DLGAP2: variants seen among roughly 807,000 people sequenced by gnomAD.
DLGAP2 encodes DLG associated protein 2, also known as disks large-associated protein 2.
A neutral mutation model predicts 100.3 loss-of-function variants in DLGAP2; 26 were observed. The ratio of observed to expected loss-of-function variants is 0.26; its 90% CI spans 0.19 to 0.36. The LOEUF (loss-of-function observed/expected upper bound fraction) is 0.36. Ranked by LOEUF, DLGAP2 falls within the 10% of genes least tolerant of loss-of-function variation. The pLI is 1.00. For synonymous variants in DLGAP2, 886 were observed against 630.1 expected, an observed-to-expected ratio of 1.41 and a Z score of -6.08; for missense variants, 1,858 against 1,453.2, an observed-to-expected ratio of 1.28 and a Z score of -4.53.
In DLGAP2 at chr8:1,704,334, C is replaced by A. The variant is rs1397687430; in HGVS notation, c.*2928C>A. ...TACCTACATTCCCTAATGATACAGCCAATGACAGGTGAAACCCAGACACTC... is the reference window on the plus strand; with the variant it reads ...TACCTACATTCCCTAATGATACAGCAAATGACAGGTGAAACCCAGACACTC... On this transcript the variant is annotated 3_prime_UTR_variant, in exon 15 of 15. Transcript: ENST00000637795. 1 of 152,156 alleles carries A rather than the reference C, an allele frequency of 6.6e-6. No individual in the cohort carries two copies. Among genetic ancestry groups the A allele is most frequent in the Admixed American group, 6.5e-5 (1 of 15,270 alleles). The allele number at this position is 152,156 out of a possible 1,614,324, so 9.4% of individuals were successfully genotyped here.
At chr8:1,198,248 A>G (rs1451347942) in intron 2 of DLGAP2, among the ~76,000 whole-genome samples, 2 of 152,178 alleles carry the variant, frequency 1.3e-5, no homozygotes, top group East Asian at 3.9e-4. Flanking sequence ...CAAGCTGCAC[A>G]TCCCTCTAAG....
intron 1 of DLGAP2, among the ~76,000 whole-genome samples, chr8:797,953 TG>T (rs1796067964): frequency 6.6e-6 from 1 of 152,088 alleles, no homozygotes; most frequent in Non-Finnish European, 1.5e-5. Context: ...GGTTTCATCA[TG>T]TTGGCCAGGC....
Position 1,351,414 on chromosome 8 carries a change from C to T in DLGAP2, c.106+92531C>T, listed in dbSNP as rs1240128235. 4.6e-4 allele frequency among the ~76,000 whole-genome samples: 16 copies of T among 34,694 alleles called. 1 individual carries two copies. Among genetic ancestry groups the T allele is most frequent in the Non-Finnish European group, 7.7e-4 (13 of 16,810 alleles). 22.8% of individuals were successfully genotyped at this position (34,694 alleles called of 152,430 possible). ...CCTGAGTGTGTGTGGATAGGCTGTG[C>T]GGGTCCTGACTGTGTGTGGAAAGGC... On this transcript the variant is annotated intron_variant, in intron 3 of 14. Transcript: ENST00000637795.
At chr8:1,021,161 C>G (rs1042973810) in intron 2 of DLGAP2, among the ~76,000 whole-genome samples, 1 of 152,072 alleles carries the variant, frequency 6.6e-6, no homozygotes, top group African/African-American at 2.4e-5. Flanking sequence ...GAGTAAATAG[C>G]TCTAGTAAAA....
Position 967,699 on chromosome 8 carries a change from A to C in DLGAP2, c.73+59733A>C, listed in dbSNP as rs1309425210. ...AATACCTATGTACATTTATTGCTGA[A>C]AGAGGTTTGTTTTACTACTGTATAA... On this transcript the variant is annotated intron_variant, in intron 2 of 14. Transcript: ENST00000637795. Among the ~76,000 whole-genome samples, 38 of 143,896 alleles carry C rather than the reference A, an allele frequency of 2.6e-4. 1 individual carries two copies. The highest frequency in any genetic ancestry group is 2.5e-3 in the Admixed American group (37 of 14,574). 94.4% of individuals were successfully genotyped at this position (143,896 alleles called of 152,430 possible). A position where few individuals can be genotyped will look rare whatever the true frequency, so the allele number is the denominator to read the frequency against.
intron 8 of DLGAP2, among the ~76,000 whole-genome samples, chr8:1,637,463 C>T (rs955212906): frequency 2.6e-5 from 4 of 151,950 alleles, no homozygotes; most frequent in African/African-American, 4.8e-5. Flanking sequence ...TTCCATAAGT[C>T]AACAGCTATG....
At chr8:1,039,302 ATGGTCAGCTCG>A (rs1563158452) in intron 2 of DLGAP2, among the ~76,000 whole-genome samples, 122 of 123,476 alleles carry the variant, frequency 9.9e-4, no homozygotes, top group South Asian at 5.5e-3. Context: ...CTCGGTTTCC[ATGGTCAGCTCG>A]GTGTGCGTGG....
chr8:1,497,704 C>T (rs1324820652), intron 3 of DLGAP2, among the ~76,000 whole-genome samples: 1 of 152,146 alleles, frequency 6.6e-6, no homozygotes, highest in Non-Finnish European at 1.5e-5. Flanking sequence ...AGGGTTCTTG[C>T]CTAGTGAGGG....
intron 7 of DLGAP2, among the ~76,000 whole-genome samples, chr8:1,631,899 C>A (rs1053414288): frequency 1.1e-4 from 17 of 152,292 alleles, no homozygotes; most frequent in African/African-American, 4.1e-4. Flanking sequence ...TTTGACCTTG[C>A]CTTTTACTCT....
At chr8:1,581,529 C>G (rs1169379570) in intron 6 of DLGAP2, among the ~76,000 whole-genome samples, 1 of 150,666 alleles carries the variant, frequency 6.6e-6, no homozygotes, top group Admixed American at 6.6e-5. Context: ...AAACTCCACA[C>G]ACATCTACAC....
chr8:987,719 G>T (rs1800528671), intron 2 of DLGAP2, among the ~76,000 whole-genome samples: 1 of 152,104 alleles, frequency 6.6e-6, no homozygotes, highest in South Asian at 2.1e-4. Context: ...ATTAGTCCAA[G>T]CCGACGACAA....
intron 2 of DLGAP2, among the ~76,000 whole-genome samples, chr8:1,252,567 G>A (rs117624962): frequency 6.6e-6 from 1 of 152,400 alleles, no homozygotes; most frequent in East Asian, 1.9e-4. Context: ...GTCATGTCCT[G>A]GGTCATGGTG....
intron 3 of DLGAP2, among the ~76,000 whole-genome samples, chr8:1,267,352 G>C (rs1372789763): frequency 2.0e-5 from 3 of 151,310 alleles, no homozygotes; most frequent in Admixed American, 1.3e-4. Flanking sequence ...GATCACTTGA[G>C]GTCAGGAGCT....
In DLGAP2 at chr8:763,319, C is replaced by G. The variant is rs150587415; in HGVS notation, c.18+25494C>G. 5.0e-4 allele frequency among the ~76,000 whole-genome samples: 76 copies of G among 152,316 alleles called. No homozygotes were observed. In the East Asian group the frequency reaches 0.015, roughly 29 times the overall value. On this transcript the variant is annotated intron_variant, in intron 1 of 14. Coordinates refer to ENST00000637795, the MANE Select transcript of DLGAP2 (RefSeq NM_001346810.2). ...ACGCACATCGTATTGAAGTGAAGATCACTGTTACTGTTGTCACTCATCTTC... is the reference window on the plus strand; with the variant it reads ...ACGCACATCGTATTGAAGTGAAGATGACTGTTACTGTTGTCACTCATCTTC...
At chr8:1,106,094 T>A (rs900582113) in intron 2 of DLGAP2, among the ~76,000 whole-genome samples, 3 of 149,672 alleles carry the variant, frequency 2.0e-5, no homozygotes, top group Non-Finnish European at 4.4e-5. Flanking sequence ...TAGGAGGGTT[T>A]TGTATTGAAG....
chr8:754,461 G>A (rs1054600199), intron 1 of DLGAP2, among the ~76,000 whole-genome samples: 3 of 152,210 alleles, frequency 2.0e-5, no homozygotes, highest in African/African-American at 7.2e-5. Flanking sequence ...GGTTCAGTGA[G>A]CTTTGCTTAG....
chr8:1,332,369 A>G (rs538938268), intron 3 of DLGAP2, among the ~76,000 whole-genome samples: 1 of 152,152 alleles, frequency 6.6e-6, no homozygotes, highest in African/African-American at 2.4e-5. Flanking sequence ...CTGTGTACAC[A>G]TATCTGCACA....
At chr8:1,627,880 A>C (rs1017452454) in intron 7 of DLGAP2, among the ~76,000 whole-genome samples, 2 of 151,794 alleles carry the variant, frequency 1.3e-5, no homozygotes, top group East Asian at 2.0e-4. Flanking sequence ...CTTACTGTGG[A>C]GCAGGAATTA....
chr8:1,515,355 G>C (rs1332562486), intron 4 of DLGAP2, among the ~76,000 whole-genome samples: 1 of 152,222 alleles, frequency 6.6e-6, no homozygotes, highest in East Asian at 1.9e-4. Flanking sequence ...CCTTAAGACA[G>C]ACAGGGCAGT....
Sources: gnomAD v4.1 joint callset for allele counts (sites outside exome capture counted in the v4.1 genomes callset) on GRCh38, gnomAD v4.1.1 for gene constraint, MANE v1.5 for transcripts, NCBI Gene and HGNC (gene_info 2026-07-23, HGNC 2026-07-21) for gene names.